The following SNRPB2 variants were observed in gnomAD, a reference collection of about 807,000 sequenced individuals.
SNRPB2 encodes the protein U2 small nuclear ribonucleoprotein B''.
A neutral mutation model predicts 26.3 loss-of-function variants in SNRPB2; 16 were observed. The ratio of observed to expected loss-of-function variants is 0.61; its 90% CI spans 0.41 to 0.92. The LOEUF (loss-of-function observed/expected upper bound fraction) is 0.92, where lower values mean the gene tolerates loss of function less well. SNRPB2 is among the 40% of genes least tolerant of loss of function. SNRPB2 has a pLI of 0.00. For synonymous variants in SNRPB2, 75 were observed against 89.0 expected (o/e 0.84, Z 0.88); for missense variants, 179 against 268.1 (o/e 0.67, Z 2.32).
At chr20:16,740,740 T>C in intron 6 of SNRPB2, 106 bp from the exon 7 acceptor site, 1 of 837,118 alleles carries the variant, frequency 1.2e-6, no homozygotes, top group South Asian at 1.8e-5. Context: ...GGTTAGAGTA[T>C]GGTTATTTTT....
chr20:16,738,064 C>A (rs59346082), intron 4 of SNRPB2, among the ~76,000 whole-genome samples: 18 of 138,662 alleles, frequency 1.3e-4, no homozygotes, highest in African/African-American at 2.7e-4. Flanking sequence ...AAAAAAAAAA[C>A]CCAAAAAACA....
In SNRPB2 at chr20:16,737,369, A is replaced by G. The variant is rs2072433171; in HGVS notation, c.346A>G (p.Thr116Ala). ...EKKKAKTVEQ[T>A]ATTTNKKPGQ... ...GAAAAAAGCCAAAACTGTGGAACAG[A>G]CTGCAACAACCACAAACAAAAAGCC... is the stretch of plus-strand genomic sequence containing the variant. The change falls in exon 4 of 7, where the codon ACT becomes GCT. Residue 116 changes from threonine to alanine, a missense_variant. By Grantham distance (58) the Thr-to-Ala change is moderately conservative. Transcript: ENST00000246071. 3 of 1,596,908 alleles carry G rather than the reference A, an allele frequency of 1.9e-6. No homozygotes were observed. The African/African-American group carries it at 4.1e-5, about 22-fold the overall frequency.
intron 3 of SNRPB2, among the ~76,000 whole-genome samples, chr20:16,733,843 A>G (rs1041613971): frequency 2.0e-5 from 3 of 152,156 alleles, no homozygotes; most frequent in African/African-American, 7.2e-5. Flanking sequence ...AGCTGACTGG[A>G]CACCATTTTT....
At chr20:16,737,510 G>A (rs2072434496) in intron 4 of SNRPB2, 109 bp downstream of exon 4, 1 of 987,550 alleles carries the variant, frequency 1.0e-6, no homozygotes, top group Non-Finnish European at 1.4e-6. Flanking sequence ...GTGCATAAAT[G>A]TGTGTTTAAA....
At chr20:16,733,248 A>G (rs1442794912) in intron 3 of SNRPB2, among the ~76,000 whole-genome samples, 3 of 152,238 alleles carry the variant, frequency 2.0e-5, no homozygotes, top group African/African-American at 7.2e-5. Context: ...AAAACTGTAA[A>G]GAAGTACATA....
At position 16,731,750 on chromosome 20, in the gene SNRPB2, CAAAATT is replaced by C; in HGVS notation, c.53_58del (p.Ile18_Lys19del). On this transcript the variant is annotated inframe_deletion, in exon 2 of 7. Transcript: ENST00000246071. ...CAATTTATATCAACAATATGAATGACAAAATTAAAAAGGAAGGTAAGTGCTTTTTAG... is the reference window on the plus strand; with the variant it reads ...CAATTTATATCAACAATATGAATGACAAAAAGGAAGGTAAGTGCTTTTTAG... The C allele has an allele frequency of 6.2e-7, 1 of 1,612,106 alleles. No individual in the cohort carries two copies.
At chr20:16,731,433 A>C (rs922667513) in intron 1 of SNRPB2, among the ~76,000 whole-genome samples, 1 of 152,222 alleles carries the variant, frequency 6.6e-6, no homozygotes, top group Non-Finnish European at 1.5e-5. Context: ...GTGTTGAATT[A>C]AATGGTGTTA....
In SNRPB2 at chr20:16,731,034, A is replaced by C. The variant is rs1231272232; in HGVS notation, c.-35-634A>C. ...TTCTTATTTTACTGATGAGGACCTG[A>C]GAGGTTAAGGAACTTCCCTCAGGCA... On this transcript the variant is annotated intron_variant, in intron 1 of 6. Coordinates refer to ENST00000246071, the MANE Select transcript of SNRPB2 (RefSeq NM_003092.5). 2.0e-5 allele frequency: 3 copies of C among 152,448 alleles called. No individual in the cohort carries two copies. In the South Asian group the frequency reaches 6.2e-4, roughly 32 times the overall value. The allele number at this position is 152,448 out of a possible 1,614,324, so 9.4% of individuals were successfully genotyped here.
At chr20:16,738,936 A>G in intron 5 of SNRPB2, 34 bp downstream of exon 5, 4 of 1,437,210 alleles carry the variant, frequency 2.8e-6, no homozygotes, top group Non-Finnish European at 3.9e-6. Flanking sequence ...TTACCTTAAA[A>G]TAAGATTGTA....
At chr20:16,739,053 C>G (rs1208512687) in intron 5 of SNRPB2, 151 bp downstream of exon 5, 2 of 614,956 alleles carry the variant, frequency 3.3e-6, no homozygotes, top group African/African-American at 1.9e-5. Flanking sequence ...TGTAAGAACT[C>G]AACTCCTGAA....
At position 16,741,667 on chromosome 20, in the gene SNRPB2, A is replaced by C. The variant is rs1442439706; in HGVS notation, c.*662A>C. On this transcript the variant is annotated 3_prime_UTR_variant, in exon 7 of 7. Transcript: ENST00000246071. ...CATGAGGCAGGACTGTTCTAAGGTT[A>C]ATATGCAATCTCTTTATTGAAAGAC... 1 of 152,192 alleles carries C rather than the reference A, an allele frequency of 6.6e-6. No individual in the cohort carries two copies. Among genetic ancestry groups the C allele is most frequent in the Non-Finnish European group, 1.5e-5 (1 of 68,020 alleles). 9.4% of individuals were successfully genotyped at this position (152,192 alleles called of 1,614,324 possible).
rs773595684 is a variant in SNRPB2 at position 16,740,430 on chromosome 20, A to G, written c.518+17A>G. ...GTTTAATCAGTAAGTTTTTTCATAA[A>G]TAAGTCTGTTTCTGAGAGCTTCCTC... On this transcript the variant is annotated intron_variant, in intron 6 of 6. Transcript: ENST00000246071. 1.2e-6 allele frequency: 2 copies of G among 1,609,532 alleles called. No individual in the cohort carries two copies. The highest frequency in any genetic ancestry group is 1.1e-5 in the South Asian group (1 of 90,836).
At chr20:16,736,834 T>A (rs563200165) in intron 3 of SNRPB2, among the ~76,000 whole-genome samples, 106 of 152,282 alleles carry the variant, frequency 7.0e-4, no homozygotes, top group African/African-American at 1.7e-3. Flanking sequence ...GTTGAATACC[T>A]CTGGATTAGA....
Position 16,740,915 on chromosome 20 carries a change from T to G in SNRPB2, c.588T>G (p.Asn196Lys). The change falls in exon 7 of 7, where the codon AAT (asparagine) becomes AAG (lysine). Residue 196 changes from asparagine (N) to lysine (K), a missense_variant. Asn to Lys is a moderately conservative substitution (Grantham distance 94). Coordinates refer to ENST00000246071, the MANE Select transcript of SNRPB2 (RefSeq NM_003092.5). ...ACATTGCTTTTGTTGAATTTGAAAA[T>G]GATGGGCAGGCTGGAGCTGCCAGGG... is the stretch of plus-strand genomic sequence containing the variant. ...RHDIAFVEFENDGQAGAARDA... is the reference protein window; with the variant it reads ...RHDIAFVEFEKDGQAGAARDA... 6.2e-7 allele frequency: 1 copy of G among 1,612,420 alleles called. No individual in the cohort carries two copies.
At chr20:16,738,029 ACT>A (rs1355038539) in intron 4 of SNRPB2, among the ~76,000 whole-genome samples, 2 of 142,982 alleles carry the variant, frequency 1.4e-5, no homozygotes, top group South Asian at 2.3e-4. Context: ...ACAGAGTGAG[ACT>A]CTGTCTCAAA....
chr20:16,737,842 C>T (rs2072436897), intron 4 of SNRPB2, among the ~76,000 whole-genome samples: 1 of 151,668 alleles, frequency 6.6e-6, no homozygotes, highest in African/African-American at 2.4e-5. Flanking sequence ...CGAGACCATC[C>T]TGGCTAACAC....
rs554453766 is a variant in SNRPB2 at position 16,737,616 on chromosome 20, T to C, written c.378+215T>C. On this transcript the variant is annotated intron_variant, in intron 4 of 6. Transcript: ENST00000246071. Reference sequence around the variant, plus strand: ...CATGGAGATTTATATTAAGCAGTTTTATATTTGCATGGCATTTAATTCGAT... The same window carrying C: ...CATGGAGATTTATATTAAGCAGTTTCATATTTGCATGGCATTTAATTCGAT... 2.0e-5 allele frequency among the ~76,000 whole-genome samples: 3 copies of C among 152,322 alleles called. No homozygotes were observed. The East Asian group carries it at 5.8e-4, about 29-fold the overall frequency.
Position 16,731,783 on chromosome 20 carries a change from A to G in SNRPB2, c.64+17A>G, listed in dbSNP as rs2072393162. 7 of 1,611,884 alleles carry G rather than the reference A, an allele frequency of 4.3e-6. No individual in the cohort carries two copies. The highest frequency in any genetic ancestry group is 5.9e-6 in the Non-Finnish European group (7 of 1,178,676). On this transcript the variant is annotated intron_variant, in intron 2 of 6. Coordinates refer to ENST00000246071, the MANE Select transcript of SNRPB2 (RefSeq NM_003092.5). The stretch of plus-strand genomic sequence containing the variant: ...AAAAGGAAGGTAAGTGCTTTTTAGA[A>G]TACTTGTTCACTACTAAAATGTGTT...
intron 3 of SNRPB2, among the ~76,000 whole-genome samples, chr20:16,736,527 T>C (rs185388250): frequency 9.8e-5 from 15 of 152,314 alleles, no homozygotes; most frequent in African/African-American, 3.6e-4. Flanking sequence ...TTAAAAATGG[T>C]TTAAAAGAAA....
Sources: allele counts gnomAD v4.1 joint callset (sites outside exome capture counted in the v4.1 genomes callset), GRCh38; gene constraint gnomAD v4.1.1; transcripts MANE v1.5; gene names NCBI Gene and HGNC (gene_info 2026-07-23, HGNC 2026-07-21).